Variants in ZNF827 observed in about 807,000 individuals in gnomAD.
ZNF827 encodes zinc finger protein 827.
A neutral mutation model predicts 102.4 loss-of-function variants in ZNF827; 13 were observed. The ratio of observed to expected loss-of-function variants is 0.13; its 90% CI spans 0.08 to 0.20. ZNF827 has a LOEUF of 0.20. Ranked by LOEUF, ZNF827 falls within the 10% of genes least tolerant of loss-of-function variation. ZNF827 has a pLI of 1.00. For synonymous variants in ZNF827, 523 were observed against 536.2 expected (o/e 0.98, Z 0.34); for missense variants, 1,103 against 1,344.4 (o/e 0.82, Z 2.81).
chr4:145,765,793 A>C lies in ZNF827; in HGVS notation c.2861-55T>G. The C allele has an allele frequency of 6.4e-7, 1 of 1,555,348 alleles. No individual in the cohort carries two copies. The highest frequency in any genetic ancestry group is 1.8e-5 in the Admixed American group (1 of 56,678). ...TAATGAGATGAAAATCCTCAGAATT[A>C]TAGCAACTGAGGGTGACGAGTTGAG... On this transcript the variant is annotated intron_variant, in intron 11 of 14. Coordinates refer to ENST00000508784, the MANE Select transcript of ZNF827 (RefSeq NM_001306215.2). The surrounding 1 kb of genome is among the most constrained non-coding windows in gnomAD (Gnocchi z 4.7).
In ZNF827 at chr4:145,886,139, C is replaced by T. The variant is rs1198644695; in HGVS notation, c.1286G>A (p.Arg429Gln). ...CAGCTGGCACTGAAAGGTCTCTCCC[C>T]GATCCTGGTGCTGATGAACCTGACG... Reference protein sequence around the residue: ...SHMKVHQHQDRGETFQCQLCP... With the variant: ...SHMKVHQHQDQGETFQCQLCP... The change falls in exon 4 of 15, where the codon CGG (arginine) becomes CAG (glutamine). Residue 429 changes from arginine (R) to glutamine (Q), a missense_variant. Coordinates refer to ENST00000508784, the MANE Select transcript of ZNF827 (RefSeq NM_001306215.2). 16 of 1,602,474 alleles carry T rather than the reference C, an allele frequency of 1.0e-5. No individual in the cohort carries two copies. The highest frequency in any genetic ancestry group is 1.3e-5 in the African/African-American group (1 of 74,632).
At chr4:145,838,384 A>G (rs1269371477) in intron 7 of ZNF827, among the ~76,000 whole-genome samples, 1 of 151,752 alleles carries the variant, frequency 6.6e-6, no homozygotes, top group African/African-American at 2.4e-5. Flanking sequence ...AAACGGCCCC[A>G]CCCTTAACTC....
intron 5 of ZNF827, among the ~76,000 whole-genome samples, chr4:145,850,196 G>C (rs557603731): frequency 6.6e-6 from 1 of 152,166 alleles, no homozygotes; most frequent in East Asian, 1.9e-4. Flanking sequence ...TTTTAGTAGA[G>C]ACAGGGTTTC....
At chr4:145,821,233 A>T (rs1163460242) in intron 8 of ZNF827, among the ~76,000 whole-genome samples, 1 of 152,256 alleles carries the variant, frequency 6.6e-6, no homozygotes, top group East Asian at 1.9e-4. Flanking sequence ...CAAAATATTT[A>T]TTCAAAAAAA....
intron 7 of ZNF827, among the ~76,000 whole-genome samples, chr4:145,829,410 TA>T (rs1195191456): frequency 6.0e-5 from 9 of 149,982 alleles, no homozygotes; most frequent in East Asian, 3.9e-4. Context: ...TAGTGAATCT[TA>T]AAAAAAAAAT....
intron 1 of ZNF827, among the ~76,000 whole-genome samples, chr4:145,927,278 C>A (rs1258414212): frequency 6.6e-6 from 1 of 152,214 alleles, no homozygotes; most frequent in Non-Finnish European, 1.5e-5. Flanking sequence ...AGTGTCACTG[C>A]ATGTGACTCC....
At chr4:145,805,408 A>G (rs1741320604) in intron 8 of ZNF827, among the ~76,000 whole-genome samples, 1 of 152,204 alleles carries the variant, frequency 6.6e-6, no homozygotes, top group South Asian at 2.1e-4. Flanking sequence ...AATGTAACAA[A>G]ATAGAATCCC....
chr4:145,930,834 T>A (rs370390983), intron 1 of ZNF827, among the ~76,000 whole-genome samples: 2 of 151,994 alleles, frequency 1.3e-5, no homozygotes, highest in African/African-American at 4.8e-5. Context: ...TCTCTGTGTG[T>A]GTGCGTGTGT....
At chr4:145,894,249 A>C (rs1448898523) in intron 2 of ZNF827, among the ~76,000 whole-genome samples, 4 of 152,216 alleles carry the variant, frequency 2.6e-5, no homozygotes, top group Non-Finnish European at 4.4e-5. Context: ...TAAATGGAAC[A>C]AACAAAAAAT....
rs1194140643 is a variant in ZNF827, at chr4:145,765,984, A to C, written c.2861-246T>G. On this transcript the variant is annotated intron_variant, in intron 11 of 14. Transcript: ENST00000508784. The surrounding 1 kb of genome is among the most constrained non-coding windows in gnomAD (Gnocchi z 4.7). ...TTTATTAAGGTCTTACATGAATTAA[A>C]ATAAAACGACAGTAATAGCTAAGAC... Among the ~76,000 whole-genome samples, 1 of 152,212 alleles carries C rather than the reference A, an allele frequency of 6.6e-6. No homozygotes were observed. The highest frequency in any genetic ancestry group is 2.4e-5 in the African/African-American group (1 of 41,466).
At chr4:145,840,664 T>C (rs1745323705) in intron 7 of ZNF827, among the ~76,000 whole-genome samples, 1 of 152,264 alleles carries the variant, frequency 6.6e-6, no homozygotes, top group Admixed American at 6.5e-5. Context: ...CTAAAAGTAA[T>C]ATTTTACTTT....
Position 145,762,446 on chromosome 4 carries a change from AC to A in ZNF827, c.*17+643del, listed in dbSNP as rs1734681119. On this transcript the variant is annotated intron_variant, in intron 14 of 14. Coordinates refer to ENST00000508784, the MANE Select transcript of ZNF827 (RefSeq NM_001306215.2). The surrounding 1 kb of genome is among the most constrained non-coding windows in gnomAD (Gnocchi z 4.9). ...GGATTGGAAATTCTCAGAGGGCAGG[AC>A]CATATCTTACATTTCCTCTGCATTC... 6.6e-6 allele frequency among the ~76,000 whole-genome samples: 1 copy of A among 152,210 alleles called. No homozygotes were observed. Among genetic ancestry groups the A allele is most frequent in the African/African-American group, 2.4e-5 (1 of 41,454 alleles).
chr4:145,758,151 C>T lies in ZNF827; in HGVS notation c.*3465G>A, dbSNP rs1373246987. The T allele has an allele frequency of 1.3e-5, 2 of 152,108 alleles. No homozygotes were observed. Among genetic ancestry groups the T allele is most frequent in the Non-Finnish European group, 2.9e-5 (2 of 68,034 alleles). 9.4% of individuals were successfully genotyped at this position (152,108 alleles called of 1,614,324 possible). On this transcript the variant is annotated 3_prime_UTR_variant, in exon 15 of 15. Coordinates refer to ENST00000508784, the MANE Select transcript of ZNF827 (RefSeq NM_001306215.2). ...AAAAGTCAAACAAACTCCAAACACA[C>T]CTTTTCTCACTCAGAAAACTTTTAT...
At chr4:145,811,686 G>T (rs2126398007) in intron 8 of ZNF827, among the ~76,000 whole-genome samples, 1 of 152,274 alleles carries the variant, frequency 6.6e-6, no homozygotes, top group Admixed American at 6.5e-5. Flanking sequence ...TTCATGGGCT[G>T]CCCAAACTCC....
At chr4:145,917,570 T>TCAAACC (rs1254296747) in intron 1 of ZNF827, among the ~76,000 whole-genome samples, 1 of 151,954 alleles carries the variant, frequency 6.6e-6, no homozygotes, top group African/African-American at 2.4e-5. Context: ...GGCAATTGTT[T>TCAAACC]CAAACCCATG....
chr4:145,904,237 A>G (rs551178078), intron 1 of ZNF827, among the ~76,000 whole-genome samples: 1 of 152,332 alleles, frequency 6.6e-6, no homozygotes, highest in South Asian at 2.1e-4. Flanking sequence ...CCCGACTCAA[A>G]GGTTTCTTCC....
At chr4:145,896,544 C>T (rs1242763165) in intron 2 of ZNF827, among the ~76,000 whole-genome samples, 6 of 151,924 alleles carry the variant, frequency 3.9e-5, no homozygotes, top group South Asian at 2.1e-4. Context: ...TGTGTTAGAC[C>T]GTAAGGAGAT....
At chr4:145,824,760 GAAC>G (rs1167760648) in intron 7 of ZNF827, among the ~76,000 whole-genome samples, 3 of 152,146 alleles carry the variant, frequency 2.0e-5, no homozygotes, top group African/African-American at 4.8e-5. Context: ...ATCTGGAGCA[GAAC>G]AACAGACCAA....
chr4:145,858,684 T>A (rs1427348385), intron 5 of ZNF827, among the ~76,000 whole-genome samples: 1 of 149,898 alleles, frequency 6.7e-6, no homozygotes, highest in Non-Finnish European at 1.5e-5. Context: ...AATATATAAC[T>A]CCTGAAAGAT....
Sources: gnomAD v4.1 joint callset for allele counts (sites outside exome capture counted in the v4.1 genomes callset) on GRCh38, gnomAD v4.1.1 for gene constraint, Gnocchi (gnomAD v3.1) non-coding constraint, MANE v1.5 for transcripts, NCBI Gene and HGNC (gene_info 2026-07-23, HGNC 2026-07-21) for gene names.